Variants in EVL observed in about 807,000 individuals in gnomAD.
EVL encodes ena/VASP-like protein.
In EVL, 21 loss-of-function variants were observed where a neutral mutation model predicts 59.6. That is an observed-to-expected ratio of 0.35 (90% CI 0.25 to 0.51). The LOEUF (loss-of-function observed/expected upper bound fraction) is 0.51. EVL is among the 20% of genes least tolerant of loss of function. The pLI, the probability that EVL is intolerant of heterozygous loss-of-function variation, is 0.97. For missense variants in EVL, 462 were observed against 546.6 expected (o/e 0.85, Z 1.54); for synonymous variants, 198 against 203.5 (o/e 0.97, Z 0.23).
chr14:100,104,449 T>C (rs769352248), intron 3 of EVL, among the ~76,000 whole-genome samples: 2 of 152,244 alleles, frequency 1.3e-5, no homozygotes, highest in Non-Finnish European at 2.9e-5. Flanking sequence ...TCTCAAAGCA[T>C]GAGTTATTCT....
upstream of EVL, among the ~76,000 whole-genome samples, chr14:100,064,615 A>G (rs1030240120): frequency 5.3e-5 from 8 of 152,220 alleles, no homozygotes; most frequent in African/African-American, 9.7e-5. Flanking sequence ...GTCAAATATG[A>G]AGACTTGATC....
intron 1 of EVL, among the ~76,000 whole-genome samples, chr14:100,032,476 G>A (rs1362331325): frequency 6.6e-6 from 1 of 152,192 alleles, no homozygotes; most frequent in Non-Finnish European, 1.5e-5. Context: ...GGTGGGATGA[G>A]AGGATGGTAT....
upstream of EVL, among the ~76,000 whole-genome samples, chr14:100,063,540 C>T (rs1274722114): frequency 6.6e-6 from 1 of 152,166 alleles, no homozygotes; most frequent in Admixed American, 6.5e-5. Context: ...ATGTACCTAA[C>T]AAGAGCTTCA....
chr14:100,136,936 G>A (rs1468952332), intron 9 of EVL, among the ~76,000 whole-genome samples: 1 of 152,132 alleles, frequency 6.6e-6, no homozygotes, highest in East Asian at 1.9e-4. Context: ...TGTCCCAGAA[G>A]GTGGCTTTGA....
At chr14:100,099,412 T>TTTTG (rs1886050106) in intron 3 of EVL, among the ~76,000 whole-genome samples, 1 of 151,412 alleles carries the variant, frequency 6.6e-6, no homozygotes, top group Non-Finnish European at 1.5e-5. Flanking sequence ...TGTAGGAGAG[T>TTTTG]TTTGTGGTTT....
rs2061442584 is a variant in EVL, at chr14:100,039,923, T to C, written c.6-44764T>C. On this transcript the variant is annotated intron_variant, in intron 1 of 13. Coordinates refer to the EVL transcript ENST00000402714. ...CCTCCTGAGAGGCTGGGACCACAAG[T>C]GCACACCACCACACTGGGCTAATTT... 2.6e-5 allele frequency among the ~76,000 whole-genome samples: 4 copies of C among 152,250 alleles called. No homozygotes were observed. The South Asian group carries it at 8.3e-4, about 32-fold the overall frequency.
intron 1 of EVL, among the ~76,000 whole-genome samples, chr14:100,030,681 G>A (rs982092716): frequency 3.9e-5 from 6 of 152,214 alleles, no homozygotes; most frequent in African/African-American, 1.4e-4. Flanking sequence ...TCAGCTGAGA[G>A]CTTGGATCTT....
intron 1 of EVL, among the ~76,000 whole-genome samples, chr14:100,030,091 T>G (rs1209475361): frequency 6.8e-6 from 1 of 146,840 alleles, no homozygotes; most frequent in Non-Finnish European, 1.5e-5. Context: ...TAAATGAGAT[T>G]ACCTTTTTTT....
chr14:100,117,477 C>G (rs1450035419), intron 3 of EVL, among the ~76,000 whole-genome samples: 2 of 152,244 alleles, frequency 1.3e-5, no homozygotes, highest in East Asian at 3.8e-4. Context: ...GTCCTATCCC[C>G]CTGCAGTCTT....
chr14:99,975,561 G>A lies in EVL; in HGVS notation c.5+3504G>A, dbSNP rs187333018. 1.2e-4 allele frequency among the ~76,000 whole-genome samples: 18 copies of A among 152,314 alleles called. No homozygotes were observed. The East Asian group carries it at 3.3e-3, about 28-fold the overall frequency. On this transcript the variant is annotated intron_variant, in intron 1 of 13. Coordinates refer to the EVL transcript ENST00000402714. ...GAAAATTTTTCCTTGGGGGGTTAGG[G>A]GGGTAGTTTCCAGATAAAACTGTTC...
chr14:100,006,771 G>GA (rs1486846338), intron 1 of EVL, among the ~76,000 whole-genome samples: 1 of 139,362 alleles, frequency 7.2e-6, no homozygotes, highest in Non-Finnish European at 1.5e-5. Context: ...GTGGAAGCAG[G>GA]AAAAACTTGC....
intron 3 of EVL, among the ~76,000 whole-genome samples, chr14:100,110,030 A>G (rs1206484721): frequency 2.0e-5 from 3 of 152,362 alleles, no homozygotes; most frequent in East Asian, 1.9e-4. Context: ...TGTCACCTCT[A>G]AATTACTATA....
At position 100,007,109 on chromosome 14, in the gene EVL, A is replaced by G. The variant is rs192586186; in HGVS notation, c.5+35052A>G. On this transcript the variant is annotated intron_variant, in intron 1 of 13. Transcript: ENST00000402714. ...AAGGTTGAAGACGTGCGCCTGTCAC[A>G]CAGCCTCAACAGGTCCTGACGATAT... Among the ~76,000 whole-genome samples, 302 of 152,136 alleles carry G rather than the reference A, an allele frequency of 2.0e-3. 1 individual carries two copies. Among genetic ancestry groups the G allele is most frequent in the Non-Finnish European group, 3.6e-3 (246 of 67,980 alleles).
intron 1 of EVL, among the ~76,000 whole-genome samples, chr14:100,070,062 TAAA>T (rs569848858): frequency 7.4e-5 from 9 of 122,354 alleles, no homozygotes; most frequent in East Asian, 2.3e-4. Flanking sequence ...CCTCCTCTCT[TAAA>T]AAAAAAAAAA....
At chr14:99,990,325 G>A (rs375430035) in intron 1 of EVL, among the ~76,000 whole-genome samples, 4 of 152,000 alleles carry the variant, frequency 2.6e-5, no homozygotes, top group Non-Finnish European at 4.4e-5. Context: ...TCCAGTGTTC[G>A]CTCTTTTTTA....
intron 4 of EVL, among the ~76,000 whole-genome samples, chr14:100,123,810 G>C (rs1887854701): frequency 6.6e-6 from 1 of 152,218 alleles, no homozygotes; most frequent in East Asian, 1.9e-4. Flanking sequence ...GACCAGGAAT[G>C]ACTGTGGGAG....
At chr14:100,131,057 C>G (rs947310380) in intron 7 of EVL, among the ~76,000 whole-genome samples, 1 of 152,156 alleles carries the variant, frequency 6.6e-6, no homozygotes, top group African/African-American at 2.4e-5. Flanking sequence ...AAGGCTGACG[C>G]CCCCTGTGCC....
At chr14:100,112,473 T>C (rs1163783455) in intron 3 of EVL, among the ~76,000 whole-genome samples, 7 of 152,230 alleles carry the variant, frequency 4.6e-5, no homozygotes, top group African/African-American at 1.7e-4. Flanking sequence ...TAACTCAGAA[T>C]ATAGTCCACA....
rs181875352 is a variant in EVL at position 100,043,287 on chromosome 14, A to G, written c.6-41400A>G. 4.2e-3 allele frequency among the ~76,000 whole-genome samples: 583 copies of G among 140,232 alleles called. 4 individuals carry two copies. The highest frequency in any genetic ancestry group is 0.018 in the African/African-American group (558 of 30,856). The allele number at this position is 140,232 out of a possible 152,430, so 92.0% of individuals were successfully genotyped here. A position where few individuals can be genotyped will look rare whatever the true frequency, so the allele number is the denominator to read the frequency against. ...TGTGTATATATATATGTGTGTGTGT[A>G]TATATATGTGTGTGTGTGTGTGTAT... On this transcript the variant is annotated intron_variant, in intron 1 of 13. Coordinates refer to the EVL transcript ENST00000402714.
Sources: allele counts gnomAD v4.1 joint callset (sites outside exome capture counted in the v4.1 genomes callset), GRCh38; gene constraint gnomAD v4.1.1; transcripts MANE v1.5; gene names NCBI Gene and HGNC (gene_info 2026-07-23, HGNC 2026-07-21).